PAIP2B: variants seen among roughly 807,000 people sequenced by gnomAD.
PAIP2B encodes the protein polyadenylate-binding protein-interacting protein 2B.
Under a neutral mutation model 17.0 loss-of-function variants are expected in PAIP2B, and 13 were observed. The ratio of observed to expected loss-of-function variants is 0.76; its 90% CI spans 0.50 to 1.22. The LOEUF (loss-of-function observed/expected upper bound fraction) is 1.22. PAIP2B is among the 50% of genes most tolerant of loss of function. The pLI is 0.00. For synonymous variants in PAIP2B, 43 were observed against 48.7 expected, an observed-to-expected ratio of 0.88 and a Z score of 0.48; for missense variants, 117 against 144.5, an observed-to-expected ratio of 0.81 and a Z score of 0.98.
At chr2:71,224,717 TG>T (rs1675676918) in intron 1 of PAIP2B, among the ~76,000 whole-genome samples, 1 of 152,238 alleles carries the variant, frequency 6.6e-6, no homozygotes, top group Non-Finnish European at 1.5e-5. Context: ...TACCTTCTAC[TG>T]CAGAACCTCA....
chr2:71,218,039 C>T (rs113532019), intron 1 of PAIP2B, among the ~76,000 whole-genome samples: 9,115 of 152,162 alleles, frequency 0.06, 429 homozygotes, highest in African/African-American at 0.13. Flanking sequence ...TGCACTCCAG[C>T]CTGGGTGACA....
At chr2:71,220,369 A>G (rs1274893184) in intron 1 of PAIP2B, among the ~76,000 whole-genome samples, 1 of 151,988 alleles carries the variant, frequency 6.6e-6, no homozygotes, top group African/African-American at 2.4e-5. Flanking sequence ...TTTCTATTTA[A>G]CCATGCATAT....
chr2:71,192,207 A>G (rs892295402), intron 2 of PAIP2B, among the ~76,000 whole-genome samples: 1 of 151,822 alleles, frequency 6.6e-6, no homozygotes, highest in Non-Finnish European at 1.5e-5. Flanking sequence ...GAAAAATATT[A>G]TATATGGGCA....
chr2:71,202,047 C>T (rs904083969), intron 2 of PAIP2B, among the ~76,000 whole-genome samples: 2 of 152,152 alleles, frequency 1.3e-5, no homozygotes, highest in East Asian at 3.8e-4. Context: ...CAAATCTAGC[C>T]AGAACAAGGC....
chr2:71,224,621 T>A lies in PAIP2B; in HGVS notation c.-12+2307A>T, dbSNP rs113157553. Among the ~76,000 whole-genome samples the A allele has an allele frequency of 4.5e-4, 69 of 152,142 alleles. 1 individual carries two copies. The highest frequency in any genetic ancestry group is 1.6e-3 in the African/African-American group (68 of 41,512). The stretch of plus-strand genomic sequence containing the variant: ...CAGATGGTGGAAAAAAACAGGTAGG[T>A]TCAGGAAATGGCACTTCAGGAAGTC... On this transcript the variant is annotated intron_variant, in intron 1 of 3. Transcript: ENST00000244221.
chr2:71,191,381 C>T (rs1040765189), intron 2 of PAIP2B, among the ~76,000 whole-genome samples: 4 of 152,210 alleles, frequency 2.6e-5, no homozygotes, highest in African/African-American at 7.2e-5. Context: ...GCTGCCCTGA[C>T]TCTATGAGAG....
intron 1 of PAIP2B, among the ~76,000 whole-genome samples, chr2:71,221,018 G>A (rs1675567710): frequency 1.3e-5 from 2 of 152,208 alleles, no homozygotes; most frequent in South Asian, 2.1e-4. Context: ...CAGAGAAGAA[G>A]TAAATGATTT....
At chr2:71,223,433 A>C (rs1335690214) in intron 1 of PAIP2B, among the ~76,000 whole-genome samples, 1 of 151,070 alleles carries the variant, frequency 6.6e-6, no homozygotes, top group Non-Finnish European at 1.5e-5. Context: ...AACAAACAAA[A>C]ACACAGACTT....
chr2:71,220,693 G>T (rs59571981), intron 1 of PAIP2B, among the ~76,000 whole-genome samples: 4 of 152,102 alleles, frequency 2.6e-5, no homozygotes, highest in Non-Finnish European at 5.9e-5. Context: ...ACAGGGTCTT[G>T]CTCTGTTGAC....
intron 1 of PAIP2B, among the ~76,000 whole-genome samples, chr2:71,205,048 AAAGG>A (rs1280767697): frequency 6.6e-6 from 1 of 152,168 alleles, no homozygotes; most frequent in Non-Finnish European, 1.5e-5. Context: ...AAGGGAAGGC[AAAGG>A]AAGAAAGAAA....
At chr2:71,202,922 G>A (rs923300655) in intron 1 of PAIP2B, among the ~76,000 whole-genome samples, 2 of 152,152 alleles carry the variant, frequency 1.3e-5, no homozygotes, top group Non-Finnish European at 2.9e-5. Flanking sequence ...CTGGAACCTA[G>A]TCAAGATCAT....
At chr2:71,189,314 G>A (rs1674623037) in intron 3 of PAIP2B, among the ~76,000 whole-genome samples, 1 of 152,140 alleles carries the variant, frequency 6.6e-6, no homozygotes, top group African/African-American at 2.4e-5. Flanking sequence ...TGCCCAGCCT[G>A]CTCACAGACT....
intron 1 of PAIP2B, among the ~76,000 whole-genome samples, chr2:71,209,736 G>T (rs1675242352): frequency 1.3e-5 from 2 of 152,004 alleles, no homozygotes; most frequent in South Asian, 2.1e-4. Context: ...TTTTCACAGG[G>T]TCACACACAT....
At chr2:71,221,524 G>C (rs1675580761) in intron 1 of PAIP2B, among the ~76,000 whole-genome samples, 1 of 152,162 alleles carries the variant, frequency 6.6e-6, no homozygotes, top group Non-Finnish European at 1.5e-5. Flanking sequence ...ACAGCCATAT[G>C]AACAAATAAC....
At chr2:71,217,849 T>C (rs1675468084) in intron 1 of PAIP2B, among the ~76,000 whole-genome samples, 1 of 152,144 alleles carries the variant, frequency 6.6e-6, no homozygotes, top group Admixed American at 6.5e-5. Flanking sequence ...GGGAGATTAC[T>C]TGAAGTCGGG....
rs117628715 is a variant in PAIP2B at position 71,187,078 on chromosome 2, A to G, written c.*1401T>C. On this transcript the variant is annotated 3_prime_UTR_variant, in exon 4 of 4. Transcript: ENST00000244221. ...GCACAGTAGCAATCAGAAAGAAGCC[A>G]CTATTATCTTCAGGGCTCTCCAATT... 1.3e-5 allele frequency: 2 copies of G among 152,324 alleles called. No homozygotes were observed. The highest frequency in any genetic ancestry group is 3.9e-4 in the East Asian group (2 of 5,174). The allele number at this position is 152,324 out of a possible 1,614,324, so 9.4% of individuals were successfully genotyped here. A position where few individuals can be genotyped will look rare whatever the true frequency, so the allele number is the denominator to read the frequency against.
intron 1 of PAIP2B, among the ~76,000 whole-genome samples, chr2:71,215,901 T>C (rs763334037): frequency 3.3e-5 from 5 of 152,234 alleles, no homozygotes; most frequent in Non-Finnish European, 7.3e-5. Flanking sequence ...GTCTTCATTA[T>C]CCAGCTTCTA....
intron 1 of PAIP2B, among the ~76,000 whole-genome samples, chr2:71,212,442 T>C (rs1431480575): frequency 6.6e-6 from 1 of 152,216 alleles, no homozygotes; most frequent in Non-Finnish European, 1.5e-5. Context: ...TTAACTGCCA[T>C]TTTTAGAACG....
chr2:71,193,284 G>A (rs1450335834), intron 2 of PAIP2B, among the ~76,000 whole-genome samples: 1 of 151,868 alleles, frequency 6.6e-6, no homozygotes, highest in African/African-American at 2.4e-5. Context: ...ACTTTTTAAT[G>A]GGGTTGTTTT....
Sources: allele counts gnomAD v4.1 joint callset (sites outside exome capture counted in the v4.1 genomes callset), GRCh38; gene constraint gnomAD v4.1.1; transcripts MANE v1.5; gene names NCBI Gene and HGNC (gene_info 2026-07-23, HGNC 2026-07-21).